Variants in GRB14 observed in about 807,000 individuals in gnomAD.
The protein encoded by GRB14 is growth factor receptor-bound protein 14.
In GRB14, 38 loss-of-function variants were observed where a neutral mutation model predicts 69.1. That is an observed-to-expected ratio of 0.55 (90% CI 0.42 to 0.72). The LOEUF is 0.72. GRB14 is among the 30% of genes least tolerant of loss of function. The pLI is 0.00. For synonymous variants in GRB14, 247 were observed against 241.3 expected (o/e 1.02, Z -0.22); for missense variants, 666 against 666.1 (o/e 1.00, Z 0.00).
intron 4 of GRB14, 140 bp from the exon 5 acceptor site, chr2:164,525,218 T>C: frequency 1.5e-6 from 1 of 677,604 alleles, no homozygotes; most frequent in Non-Finnish European, 2.6e-6. Context: ...AAAATGCCCG[T>C]CCTTAGACTC....
intron 2 of GRB14, among the ~76,000 whole-genome samples, chr2:164,555,164 C>T (rs760691166): frequency 3.9e-5 from 6 of 152,222 alleles, no homozygotes; most frequent in Non-Finnish European, 8.8e-5. Context: ...CCTTTCTCCT[C>T]CTCCTTGCTG....
In GRB14 at chr2:164,579,209, G is replaced by A. The variant is rs181972582; in HGVS notation, c.325-31393C>T. On this transcript the variant is annotated intron_variant, in intron 2 of 13. Transcript: ENST00000263915. Reference sequence around the variant, plus strand: ...AAAGATTTAAACCAGTTTCACCATGGGCTAAATGATAAAATACATAAGTTA... The same window carrying A: ...AAAGATTTAAACCAGTTTCACCATGAGCTAAATGATAAAATACATAAGTTA... Among the ~76,000 whole-genome samples the A allele has an allele frequency of 5.9e-5, 9 of 152,102 alleles. No homozygotes were observed. In the East Asian group the frequency reaches 1.7e-3, roughly 29 times the overall value.
chr2:164,614,596 A>C (rs1690242301), intron 2 of GRB14, among the ~76,000 whole-genome samples: 1 of 152,234 alleles, frequency 6.6e-6, no homozygotes, highest in African/African-American at 2.4e-5. Context: ...TGGGGTGTCC[A>C]GGATATACTT....
Position 164,497,405 on chromosome 2 carries a change from G to A in GRB14, c.1190C>T (p.Ser397Leu), listed in dbSNP as rs754810261. ...RVIENPTEAL[S>L]VAVEEGLAWR... ...AGCGAGTCCTTCTTCAACCGCAACT[G>A]AAAGGGCTTCAGTGGGATTTTCTAT... Residue 397 changes from serine to leucine, a missense_variant, in exon 10 of 14, where the codon TCA becomes TTA. Coordinates refer to ENST00000263915, the MANE Select transcript of GRB14 (RefSeq NM_004490.3). 1.9e-6 allele frequency: 3 copies of A among 1,613,694 alleles called. No homozygotes were observed. In the African/African-American group the frequency reaches 4.0e-5, roughly 22 times the overall value.
intron 2 of GRB14, among the ~76,000 whole-genome samples, chr2:164,551,810 TC>T (rs755559413): frequency 3.9e-5 from 6 of 152,156 alleles, no homozygotes; most frequent in Non-Finnish European, 8.8e-5. Flanking sequence ...CATGTCTTTC[TC>T]CCCAGCTATG....
chr2:164,508,545 G>A lies in GRB14; in HGVS notation c.933C>T (p.Asn311=). 6.2e-7 allele frequency: 1 copy of A among 1,613,780 alleles called. No individual in the cohort carries two copies. ...PTNYGFCFKP[N]KAGGPRDLKM... ...TCAGGTCTCGGGGCCCTCCCGCTTT[G>A]TTAGGCTAGAAGGCCACAGCACATT... Residue 311 remains asparagine, a synonymous_variant, in exon 8 of 14, where the codon AAC becomes AAT. Coordinates refer to ENST00000263915, the MANE Select transcript of GRB14 (RefSeq NM_004490.3).
At chr2:164,598,284 A>G (rs577598605) in intron 2 of GRB14, among the ~76,000 whole-genome samples, 1 of 152,182 alleles carries the variant, frequency 6.6e-6, no homozygotes, top group Non-Finnish European at 1.5e-5. Flanking sequence ...TTCAAGTACT[A>G]TACTTTAGGT....
chr2:164,556,382 C>T (rs1688678078), intron 2 of GRB14, among the ~76,000 whole-genome samples: 1 of 152,154 alleles, frequency 6.6e-6, no homozygotes, highest in South Asian at 2.1e-4. Flanking sequence ...ACACATTTTC[C>T]TTGAGCATGA....
chr2:164,558,133 C>A (rs993375896), intron 2 of GRB14, among the ~76,000 whole-genome samples: 3 of 152,092 alleles, frequency 2.0e-5, no homozygotes, highest in Non-Finnish European at 4.4e-5. Flanking sequence ...TCCTTAAAGC[C>A]CCTCCATTCA....
chr2:164,574,006 G>A, intron 2 of GRB14: 1 of 1,511,886 alleles, frequency 6.6e-7, no homozygotes, highest in Non-Finnish European at 9.2e-7. Flanking sequence ...TGAATATTGA[G>A]AAGAAAATTC....
chr2:164,544,914 A>G (rs984967939), intron 3 of GRB14, among the ~76,000 whole-genome samples: 8 of 152,234 alleles, frequency 5.3e-5, no homozygotes, highest in Admixed American at 3.9e-4. Flanking sequence ...ACCACTTCCC[A>G]AATCTTTAAA....
At chr2:164,514,871 G>A (rs1687438280) in intron 6 of GRB14, among the ~76,000 whole-genome samples, 1 of 152,126 alleles carries the variant, frequency 6.6e-6, no homozygotes, top group Non-Finnish European at 1.5e-5. Flanking sequence ...CTGTTGGCGG[G>A]GCATGGAGTG....
At chr2:164,611,402 T>C (rs1207728544) in intron 2 of GRB14, among the ~76,000 whole-genome samples, 1 of 151,998 alleles carries the variant, frequency 6.6e-6, no homozygotes, top group Non-Finnish European at 1.5e-5. Flanking sequence ...CAAGCCTACT[T>C]TGATGAAAGA....
At chr2:164,603,716 G>C (rs1387648697) in intron 2 of GRB14, among the ~76,000 whole-genome samples, 1 of 150,820 alleles carries the variant, frequency 6.6e-6, no homozygotes, top group Non-Finnish European at 1.5e-5. Flanking sequence ...GGACAGAGAG[G>C]GAAAAATTCT....
chr2:164,588,971 CA>C (rs1436197482), intron 2 of GRB14, among the ~76,000 whole-genome samples: 1 of 152,054 alleles, frequency 6.6e-6, no homozygotes. Context: ...GAAAGAATTC[CA>C]AAAATTGCTT....
At chr2:164,610,521 C>T (rs550618791) in intron 2 of GRB14, among the ~76,000 whole-genome samples, 3 of 151,644 alleles carry the variant, frequency 2.0e-5, no homozygotes, top group African/African-American at 4.8e-5. Context: ...TTTTGCATTA[C>T]AAAGAAATAA....
intron 9 of GRB14, among the ~76,000 whole-genome samples, chr2:164,498,559 C>T (rs1041483702): frequency 1.9e-4 from 29 of 151,966 alleles, no homozygotes; most frequent in African/African-American, 7.0e-4. Context: ...TTTAAAACAC[C>T]CATGGAAAAT....
intron 9 of GRB14, among the ~76,000 whole-genome samples, chr2:164,498,491 C>A (rs1265663514): frequency 4.6e-5 from 7 of 152,096 alleles, no homozygotes. Context: ...AAGAATCCCA[C>A]TCAGTTCATA....
rs1553507206 is a variant in GRB14, at chr2:164,509,804, A to AAC, written c.817-953_817-952insGT. ...TTGAGAAGCAGTGGAAAAAAAAAAA[A>AAC]AAAAAAAAACACCCCACAGAAGAAC... On this transcript the variant is annotated intron_variant, in intron 6 of 13. Coordinates refer to ENST00000263915, the MANE Select transcript of GRB14 (RefSeq NM_004490.3). 4.5e-3 allele frequency among the ~76,000 whole-genome samples: 687 copies of AAC among 151,262 alleles called. 7 individuals are homozygous for AAC. Among genetic ancestry groups the AAC allele is most frequent in the African/African-American group, 0.016 (652 of 41,240 alleles).
Sources: allele counts gnomAD v4.1 joint callset (sites outside exome capture counted in the v4.1 genomes callset), GRCh38; gene constraint gnomAD v4.1.1; transcripts MANE v1.5; gene names NCBI Gene and HGNC (gene_info 2026-07-23, HGNC 2026-07-21).